Variants in CAV1 observed in about 807,000 individuals in gnomAD.
CAV1 encodes the protein caveolin-1.
CAV1 carries 10 observed loss-of-function variants against 16.5 expected under a neutral mutation model. The ratio of observed to expected loss-of-function variants is 0.61; its 90% confidence interval spans 0.37 to 1.03. CAV1 has a LOEUF of 1.03. Among genes scored for constraint, CAV1 ranks in the 50% least tolerant of loss-of-function variants. The pLI is 0.01. For synonymous variants in CAV1, 76 were observed against 85.1 expected, an observed-to-expected ratio of 0.89 and a Z score of 0.59; for missense variants, 212 against 232.8, an observed-to-expected ratio of 0.91 and a Z score of 0.58.
chr7:116,525,466 G>A (rs1793537675), intron 1 of CAV1: 1 of 1,347,446 alleles, frequency 7.4e-7, no homozygotes, highest in Non-Finnish European at 9.7e-7. Flanking sequence ...GAGGTGGAGT[G>A]CAGGGTGGAG....
chr7:116,550,615 A>G (rs1324201309), intron 2 of CAV1, among the ~76,000 whole-genome samples: 2 of 152,116 alleles, frequency 1.3e-5, no homozygotes, highest in Non-Finnish European at 1.5e-5. Context: ...GCACCCACAC[A>G]CTCACACACA....
intron 2 of CAV1, among the ~76,000 whole-genome samples, chr7:116,537,633 C>A (rs1194755350): frequency 2.0e-5 from 3 of 152,164 alleles, no homozygotes; most frequent in Non-Finnish European, 4.4e-5. Flanking sequence ...GTCATGATCC[C>A]AGAAGCCATT....
Position 116,559,469 on chromosome 7 carries a change from A to C in CAV1, c.*182A>C. 1 of 612,752 alleles carries C rather than the reference A, an allele frequency of 1.6e-6. No homozygotes were observed. The highest frequency in any genetic ancestry group is 2.9e-6 in the Non-Finnish European group (1 of 349,936). 38.0% of individuals were successfully genotyped at this position (612,752 alleles called of 1,614,324 possible). A position where few individuals can be genotyped will look rare whatever the true frequency, so the allele number is the denominator to read the frequency against. ...ATGTCTCTTCTGAGCTATTTCATCT[A>C]TTTTTGGCAGTCTGAATTTTTAAAA... On this transcript the variant is annotated 3_prime_UTR_variant, in exon 3 of 3. Coordinates refer to ENST00000341049, the MANE Select transcript of CAV1 (RefSeq NM_001753.5).
At chr7:116,550,543 C>T (rs3801995) in intron 2 of CAV1, among the ~76,000 whole-genome samples, 43,081 of 152,004 alleles carry the variant, frequency 0.28, 6,451 homozygotes, top group African/African-American at 0.38. Flanking sequence ...AACACATGGG[C>T]AATTAGAGCA....
intron 2 of CAV1, among the ~76,000 whole-genome samples, chr7:116,534,232 A>G (rs917248330): frequency 6.6e-6 from 1 of 150,722 alleles, no homozygotes; most frequent in Admixed American, 6.7e-5. Flanking sequence ...AAATAAAAAT[A>G]AAAATTGAAA....
chr7:116,547,699 C>G (rs1195718070), intron 2 of CAV1, among the ~76,000 whole-genome samples: 1 of 152,196 alleles, frequency 6.6e-6, no homozygotes, highest in African/African-American at 2.4e-5. Flanking sequence ...CAAAATATCT[C>G]TTCCATCTTC....
rs946779460 is a variant in CAV1, at chr7:116,559,573, T to C, written c.*286T>C. ...TTTATTGGCTGAGATATGAACATAT[T>C]GTTGAAAGGTAATTTGAGAGAAATA... On this transcript the variant is annotated 3_prime_UTR_variant, in exon 3 of 3. Coordinates refer to ENST00000341049, the MANE Select transcript of CAV1 (RefSeq NM_001753.5). 3.8e-6 allele frequency: 2 copies of C among 523,024 alleles called. No individual in the cohort carries two copies. The highest frequency in any genetic ancestry group is 3.9e-5 in the African/African-American group (2 of 51,046). 32.4% of individuals were successfully genotyped at this position (523,024 alleles called of 1,614,324 possible). A position where few individuals can be genotyped will look rare whatever the true frequency, so the allele number is the denominator to read the frequency against.
At chr7:116,549,172 C>G (rs1280991267) in intron 2 of CAV1, among the ~76,000 whole-genome samples, 1 of 152,174 alleles carries the variant, frequency 6.6e-6, no homozygotes, top group Non-Finnish European at 1.5e-5. Context: ...CACCAAAGGA[C>G]AAAGTCACTT....
At chr7:116,548,494 C>T (rs1418217665) in intron 2 of CAV1, among the ~76,000 whole-genome samples, 3 of 152,190 alleles carry the variant, frequency 2.0e-5, no homozygotes, top group African/African-American at 4.8e-5. Flanking sequence ...ATCACACACC[C>T]TTTCCTTGGT....
intron 2 of CAV1, among the ~76,000 whole-genome samples, chr7:116,538,113 T>A (rs1793862234): frequency 6.6e-6 from 1 of 152,168 alleles, no homozygotes; most frequent in Non-Finnish European, 1.5e-5. Context: ...CAGCTCCTTA[T>A]AAGGTTCTCA....
At chr7:116,529,061 C>G (rs11973363) in intron 2 of CAV1, among the ~76,000 whole-genome samples, 26,348 of 152,084 alleles carry the variant, frequency 0.17, 2,529 homozygotes, top group Middle Eastern at 0.25. Flanking sequence ...AACTCCTGAC[C>G]TCAAGTGATC....
chr7:116,557,967 A>G (rs1162824310), intron 2 of CAV1, among the ~76,000 whole-genome samples: 2 of 152,070 alleles, frequency 1.3e-5, no homozygotes, highest in Non-Finnish European at 2.9e-5. Flanking sequence ...ACACAGGTCT[A>G]TTCTGCCTGA....
At chr7:116,532,366 A>T (rs543235406) in intron 2 of CAV1, among the ~76,000 whole-genome samples, 21 of 152,226 alleles carry the variant, frequency 1.4e-4, no homozygotes, top group African/African-American at 4.8e-4. Context: ...TTTAAACATA[A>T]CTCTTTGTGA....
At chr7:116,545,809 T>C (rs928493180) in intron 2 of CAV1, among the ~76,000 whole-genome samples, 1 of 152,276 alleles carries the variant, frequency 6.6e-6, no homozygotes, top group African/African-American at 2.4e-5. Flanking sequence ...TTTTCTTTAG[T>C]GTGGCAATCA....
intron 2 of CAV1, among the ~76,000 whole-genome samples, chr7:116,533,260 C>T (rs1422997117): frequency 6.6e-6 from 1 of 151,944 alleles, no homozygotes; most frequent in Non-Finnish European, 1.5e-5. Context: ...ATGGCTTGAA[C>T]CCAGGAGGCC....
At chr7:116,540,380 A>G (rs555591685) in intron 2 of CAV1, among the ~76,000 whole-genome samples, 1 of 152,308 alleles carries the variant, frequency 6.6e-6, no homozygotes, top group South Asian at 2.1e-4. Flanking sequence ...ATAAGAGATG[A>G]TTTTACTGTA....
At chr7:116,541,285 G>GT (rs1249389402) in intron 2 of CAV1, among the ~76,000 whole-genome samples, 8 of 152,184 alleles carry the variant, frequency 5.3e-5, no homozygotes, top group South Asian at 2.1e-4. Context: ...AGGAGGGACT[G>GT]TTTCGTGTAG....
At chr7:116,558,921 A>C (rs554480579) in intron 2 of CAV1, 25 bp from the exon 3 acceptor site, 3 of 1,540,450 alleles carry the variant, frequency 1.9e-6, no homozygotes, top group South Asian at 2.2e-5. Context: ...TTCTGTGCTC[A>C]TGTTGTGTCA....
At chr7:116,528,134 A>T (rs1334382149) in intron 2 of CAV1, among the ~76,000 whole-genome samples, 1 of 150,616 alleles carries the variant, frequency 6.6e-6, no homozygotes, top group African/African-American at 2.5e-5. Flanking sequence ...CCAGGAAAAG[A>T]GGCAGATTTC....
Sources: allele counts gnomAD v4.1 joint callset (sites outside exome capture counted in the v4.1 genomes callset), GRCh38; gene constraint gnomAD v4.1.1; transcripts MANE v1.5; gene names NCBI Gene and HGNC (gene_info 2026-07-23, HGNC 2026-07-21).